Variants in DTNB observed in about 807,000 individuals in gnomAD.
The protein encoded by DTNB is DTN-B.
Under a neutral mutation model 90.7 loss-of-function variants are expected in DTNB, and 63 were observed. The ratio of observed to expected loss-of-function variants is 0.69; its 90% CI spans 0.57 to 0.86. The LOEUF (loss-of-function observed/expected upper bound fraction) is 0.86, where lower values mean the gene tolerates loss of function less well. Among genes scored for constraint, DTNB ranks in the 40% least tolerant of loss-of-function variants. DTNB has a pLI of 0.00. For missense variants in DTNB, 744 were observed against 807.1 expected (o/e 0.92, Z 0.95); for synonymous variants, 277 against 286.7 (o/e 0.97, Z 0.34).
intron 3 of DTNB, among the ~76,000 whole-genome samples, chr2:25,632,519 T>C (rs929061683): frequency 3.3e-5 from 5 of 152,206 alleles, no homozygotes; most frequent in African/African-American, 1.2e-4. Context: ...ATGAGGGCTC[T>C]GCCTTCATCC....
chr2:25,543,064 C>G (rs2081627519), intron 8 of DTNB, among the ~76,000 whole-genome samples: 1 of 152,148 alleles, frequency 6.6e-6, no homozygotes, highest in Non-Finnish European at 1.5e-5. Flanking sequence ...GATAAACCAT[C>G]TCTGGTAAAG....
rs1427642731 is a variant in DTNB at position 25,673,461 on chromosome 2, C to A, written c.-77G>T. 1 of 151,116 alleles carries A rather than the reference C, an allele frequency of 6.6e-6. No homozygotes were observed. Among genetic ancestry groups the A allele is most frequent in the Non-Finnish European group, 1.5e-5 (1 of 67,690 alleles). The allele number at this position is 151,116 out of a possible 1,614,324, so 9.4% of individuals were successfully genotyped here. ...CCTCACTCCTCCGCACGCTCCGGCC[C>A]AGCCCCCTCGGCTGAGGCAGCGGCA... On this transcript the variant is annotated 5_prime_UTR_variant, in exon 1 of 21. Transcript: ENST00000406818.
chr2:25,405,514 T>G (rs1405757668), intron 16 of DTNB, among the ~76,000 whole-genome samples: 1 of 152,140 alleles, frequency 6.6e-6, no homozygotes, highest in African/African-American at 2.4e-5. Context: ...CACTCCACCC[T>G]GGGTGACAGA....
chr2:25,482,743 G>A lies in DTNB; in HGVS notation c.1079+53C>T, dbSNP rs561030486. ...AGGCCTCATTTCTGGCAGGGGCATC[G>A]CAAATCAGTAGCAGAGGCCAACACC... On this transcript the variant is annotated intron_variant, in intron 10 of 20. Transcript: ENST00000406818. The A allele has an allele frequency of 2.6e-4, 417 of 1,577,348 alleles. 6 individuals are homozygous for A. The South Asian group carries it at 4.3e-3, about 16-fold the overall frequency.
chr2:25,418,040 T>C (rs890023265), intron 16 of DTNB, among the ~76,000 whole-genome samples: 5 of 152,200 alleles, frequency 3.3e-5, no homozygotes. Flanking sequence ...ATTTGCATCC[T>C]GTTCAGCTTT....
At position 25,388,206 on chromosome 2, in the gene DTNB, T is replaced by C. The variant is rs2040060569; in HGVS notation, c.1731A>G (p.Ala577=). Residue 577 remains alanine, a synonymous_variant, in exon 17 of 21, where the codon GCA becomes GCG. Transcript: ENST00000406818. The part of the protein sequence containing the change: ...GVGGDVQEAF[A]QGTRRNLRND... ...AACTCTGCTCCAGAAACTCACCTTGTGCGAAGGCCTCCTGCACGTCTCCCC... is the reference window on the plus strand; with the variant it reads ...AACTCTGCTCCAGAAACTCACCTTGCGCGAAGGCCTCCTGCACGTCTCCCC... 4.5e-6 allele frequency: 7 copies of C among 1,567,394 alleles called. No homozygotes were observed. Among genetic ancestry groups the C allele is most frequent in the Non-Finnish European group, 3.5e-6 (4 of 1,156,862 alleles).
intron 2 of DTNB, chr2:25,649,746 A>G (rs2080440814): frequency 6.6e-6 from 1 of 152,654 alleles, no homozygotes; most frequent in Non-Finnish European, 1.5e-5. Flanking sequence ...TTGTATAGTT[A>G]CCTACCTAAG....
chr2:25,491,805 A>G (rs1167381469), intron 9 of DTNB, among the ~76,000 whole-genome samples: 1 of 151,820 alleles, frequency 6.6e-6, no homozygotes, highest in Non-Finnish European at 1.5e-5. Flanking sequence ...AGTGCTTCCT[A>G]TACGGCAGAC....
At chr2:25,438,977 C>G (rs1251711631) in intron 12 of DTNB, among the ~76,000 whole-genome samples, 2 of 152,100 alleles carry the variant, frequency 1.3e-5, no homozygotes, top group East Asian at 1.9e-4. Context: ...GACTAGTACT[C>G]CTAAAAATTG....
chr2:25,623,272 A>C (rs556935412), intron 4 of DTNB, among the ~76,000 whole-genome samples: 1 of 152,378 alleles, frequency 6.6e-6, no homozygotes, highest in South Asian at 2.1e-4. Flanking sequence ...TACCAAATGC[A>C]GGAGAGGCTG....
chr2:25,628,088 T>A (rs1454594168), intron 4 of DTNB, 83 bp downstream of exon 4: 37 of 1,464,942 alleles, frequency 2.5e-5, no homozygotes, highest in Non-Finnish European at 3.0e-5. Context: ...CAAGGCAACT[T>A]AGCACGGCAG....
chr2:25,483,976 C>A (rs2065539767), intron 9 of DTNB, among the ~76,000 whole-genome samples: 1 of 152,190 alleles, frequency 6.6e-6, no homozygotes, highest in African/African-American at 2.4e-5. Flanking sequence ...GTATTTAGTA[C>A]AGTCCCATGT....
chr2:25,467,515 A>G (rs937163024), intron 10 of DTNB, among the ~76,000 whole-genome samples: 2 of 151,888 alleles, frequency 1.3e-5, no homozygotes, highest in Admixed American at 6.6e-5. Flanking sequence ...TGTTGCCCAT[A>G]CTGGTCTTGA....
At chr2:25,533,964 ATTTATTTT>A (rs1341596278) in intron 8 of DTNB, among the ~76,000 whole-genome samples, 4 of 148,286 alleles carry the variant, frequency 2.7e-5, no homozygotes, top group South Asian at 2.1e-4. Context: ...TTATTTATTT[ATTTATTTT>A]TTGGAAATGC....
intron 16 of DTNB, chr2:25,399,298 C>T (rs890313060): frequency 4.7e-5 from 7 of 149,362 alleles, no homozygotes; most frequent in Admixed American, 6.7e-5. Flanking sequence ...CCACCTGCCT[C>T]GCTTGGCTTC....
intron 4 of DTNB, among the ~76,000 whole-genome samples, chr2:25,616,124 C>A (rs1441050590): frequency 6.6e-6 from 1 of 152,166 alleles, no homozygotes. Flanking sequence ...AAAACTGTAT[C>A]TATTCCTTGC....
chr2:25,670,464 T>C (rs1452376378), intron 1 of DTNB, among the ~76,000 whole-genome samples: 1 of 152,162 alleles, frequency 6.6e-6, no homozygotes, highest in Non-Finnish European at 1.5e-5. Flanking sequence ...TGATAACTTG[T>C]TTCCGTGAGT....
intron 2 of DTNB, among the ~76,000 whole-genome samples, chr2:25,644,308 T>G (rs980582120): frequency 6.6e-6 from 1 of 151,884 alleles, no homozygotes; most frequent in Non-Finnish European, 1.5e-5. Context: ...AACAAACCCA[T>G]GGAAGATACA....
chr2:25,544,990 T>C (rs1281129466), intron 8 of DTNB, among the ~76,000 whole-genome samples: 2 of 152,232 alleles, frequency 1.3e-5, no homozygotes, highest in Non-Finnish European at 2.9e-5. Context: ...ATTAGCTGGG[T>C]AGAGAAATCT....
Sources: gnomAD v4.1 joint callset for allele counts (sites outside exome capture counted in the v4.1 genomes callset) on GRCh38, gnomAD v4.1.1 for gene constraint, MANE v1.5 for transcripts, NCBI Gene and HGNC (gene_info 2026-07-23, HGNC 2026-07-21) for gene names.